The following SNUPN variants were observed in gnomAD, a reference collection of about 807,000 sequenced individuals.
SNUPN encodes snurportin-1.
In SNUPN, 31 loss-of-function variants were observed where a neutral mutation model predicts 39.2. The ratio of observed to expected loss-of-function variants is 0.79; its 90% confidence interval spans 0.59 to 1.07. The LOEUF is 1.07. Ranked by LOEUF, SNUPN falls within the 50% of genes least tolerant of loss-of-function variation. The pLI is 0.00. For synonymous variants in SNUPN, 132 were observed against 159.0 expected (o/e 0.83, Z 1.28); for missense variants, 382 against 434.2 (o/e 0.88, Z 1.07).
chr15:75,612,144 CA>C (rs915362330), intron 3 of SNUPN, among the ~76,000 whole-genome samples: 1 of 151,922 alleles, frequency 6.6e-6, no homozygotes, highest in African/African-American at 2.4e-5. Context: ...GCGATCCTCC[CA>C]TTTTAGCCTC....
chr15:75,609,700 G>T, intron 4 of SNUPN, 49 bp from the exon 5 acceptor site: 1 of 1,352,380 alleles, frequency 7.4e-7, no homozygotes, highest in Non-Finnish European at 1.0e-6. Flanking sequence ...AGGTCTCCTC[G>T]CCCTCTTGCC....
intron 6 of SNUPN, 121 bp downstream of exon 6, chr15:75,607,095 T>C: frequency 1.3e-6 from 1 of 749,164 alleles, no homozygotes; most frequent in East Asian, 2.5e-5. Flanking sequence ...ATAATGTTCT[T>C]GATATACCAC....
intron 3 of SNUPN, among the ~76,000 whole-genome samples, chr15:75,614,234 T>G (rs1284318372): frequency 6.6e-6 from 1 of 152,128 alleles, no homozygotes; most frequent in East Asian, 1.9e-4. Context: ...GAGGTTGCAG[T>G]AAGCCAAGAA....
chr15:75,598,326 C>T lies in SNUPN; in HGVS notation c.*32G>A. On this transcript the variant is annotated 3_prime_UTR_variant, in exon 9 of 9. Coordinates refer to ENST00000308588, the MANE Select transcript of SNUPN (RefSeq NM_005701.4). ...CAGGATTCCTTTTGGGGCCAGGTACCATCCTGTGGCTCCTTAAGGAGGCTT... is the reference window on the plus strand; with the variant it reads ...CAGGATTCCTTTTGGGGCCAGGTACTATCCTGTGGCTCCTTAAGGAGGCTT... 6.4e-7 allele frequency: 1 copy of T among 1,565,364 alleles called. No homozygotes were observed. The highest frequency in any genetic ancestry group is 8.7e-7 in the Non-Finnish European group (1 of 1,146,440).
Position 75,601,194 on chromosome 15 carries a change from A to T in SNUPN, c.703T>A (p.Phe235Ile), listed in dbSNP as rs747386312. The change falls in exon 8 of 9, where the codon TTC (phenylalanine) becomes ATC (isoleucine). Residue 235 changes from phenylalanine to isoleucine, a missense_variant. Transcript: ENST00000308588. ...NPFKFVGLKN[F>I]PCTPESLCDV... is the part of the protein sequence containing the mutation. Reference sequence around the variant, plus strand: ...CACAGGCTTTCGGGAGTGCAAGGGAAGTTCTTTAGCCCCACAAATTTAAAC... The same window carrying T: ...CACAGGCTTTCGGGAGTGCAAGGGATGTTCTTTAGCCCCACAAATTTAAAC... The T allele has an allele frequency of 6.2e-7, 1 of 1,613,462 alleles. No individual in the cohort carries two copies. The highest frequency in any genetic ancestry group is 8.5e-7 in the Non-Finnish European group (1 of 1,179,472).
At chr15:75,608,441 C>A (rs1336127609) in intron 5 of SNUPN, among the ~76,000 whole-genome samples, 2 of 152,132 alleles carry the variant, frequency 1.3e-5, no homozygotes, top group African/African-American at 4.8e-5. Flanking sequence ...ACCAAAGGAG[C>A]CTGAGCAGGT....
chr15:75,622,262 G>T, intron 1 of SNUPN: 2 of 669,800 alleles, frequency 3.0e-6, no homozygotes, highest in Non-Finnish European at 3.7e-6. Context: ...AAATCTGATT[G>T]TTACTTCCTC....
At chr15:75,605,493 G>T (rs1284821171) in intron 6 of SNUPN, 4 of 293,950 alleles carry the variant, frequency 1.4e-5, no homozygotes, top group Admixed American at 1.0e-4. Flanking sequence ...TAGAGACAGG[G>T]TTTCACCATG....
intron 5 of SNUPN, among the ~76,000 whole-genome samples, chr15:75,608,692 AATAGAAGTCC>A (rs1892692190): frequency 6.6e-6 from 1 of 152,218 alleles, no homozygotes; most frequent in Non-Finnish European, 1.5e-5. Flanking sequence ...GTTGTCCCGT[AATAGAAGTCC>A]AAAGATATGT....
chr15:75,599,409 G>A (rs2141357966), intron 8 of SNUPN, among the ~76,000 whole-genome samples: 1 of 152,344 alleles, frequency 6.6e-6, no homozygotes. Flanking sequence ...AGGGGTCTGT[G>A]TTGTGGTGGA....
At chr15:75,612,033 T>A (rs986731522) in intron 3 of SNUPN, among the ~76,000 whole-genome samples, 15 of 53,078 alleles carry the variant, frequency 2.8e-4, no homozygotes, top group Non-Finnish European at 4.6e-4. Context: ...TCTTCCTTTT[T>A]TTCCTTTTTT....
In SNUPN at chr15:75,621,085, C is replaced by A. The variant is rs1397785981; in HGVS notation, c.-5-29G>T. 6.2e-6 allele frequency: 10 copies of A among 1,608,592 alleles called. No individual in the cohort carries two copies. In the South Asian group the frequency reaches 7.7e-5, roughly 12 times the overall value. ...CAAAGGAAAACGTAAGAAAATGGTT[C>A]ATTCATTTCATATCATCTCCTGTAT... is the stretch of plus-strand genomic sequence containing the variant. On this transcript the variant is annotated intron_variant, in intron 1 of 8. Coordinates refer to ENST00000308588, the MANE Select transcript of SNUPN (RefSeq NM_005701.4).
At chr15:75,608,036 G>C (rs75000175) in intron 5 of SNUPN, among the ~76,000 whole-genome samples, 26,124 of 152,094 alleles carry the variant, frequency 0.17, 3,025 homozygotes, top group Non-Finnish European at 0.25. Context: ...GGAAAGACAT[G>C]GGATGGGTGG....
intron 3 of SNUPN, among the ~76,000 whole-genome samples, chr15:75,611,592 C>A (rs1892784091): frequency 6.6e-6 from 1 of 151,806 alleles, no homozygotes; most frequent in African/African-American, 2.4e-5. Context: ...AACGGTGGCT[C>A]ACGCCTATAA....
chr15:75,624,261 T>A (rs1893158396), intron 1 of SNUPN, among the ~76,000 whole-genome samples: 1 of 151,644 alleles, frequency 6.6e-6, no homozygotes, highest in Non-Finnish European at 1.5e-5. Context: ...ATGTTTTCAG[T>A]TCATCACCAA....
At chr15:75,605,301 TG>T in intron 6 of SNUPN, 74 bp from the exon 7 acceptor site, 1 of 880,652 alleles carries the variant, frequency 1.1e-6, no homozygotes. Flanking sequence ...AAACACCCCA[TG>T]CTATTTTTTT....
At chr15:75,599,690 T>C (rs1389166394) in intron 8 of SNUPN, among the ~76,000 whole-genome samples, 2 of 152,230 alleles carry the variant, frequency 1.3e-5, no homozygotes, top group Non-Finnish European at 2.9e-5. Flanking sequence ...ATAAGGGTTA[T>C]AAATAAAGAT....
At chr15:75,620,849 G>A in intron 2 of SNUPN, 45 bp downstream of exon 2, 19 of 1,566,936 alleles carry the variant, frequency 1.2e-5, no homozygotes, top group Non-Finnish European at 1.7e-5. Flanking sequence ...ATGGTTCATA[G>A]CTCCTAGCCC....
chr15:75,607,166 G>A, intron 6 of SNUPN, 50 bp downstream of exon 6: 1 of 1,349,328 alleles, frequency 7.4e-7, no homozygotes, highest in Non-Finnish European at 1.1e-6. Context: ...CGCTTTCCCA[G>A]GAGGAGAGGA....
Sources: gnomAD v4.1 joint callset for allele counts (sites outside exome capture counted in the v4.1 genomes callset) on GRCh38, gnomAD v4.1.1 for gene constraint, MANE v1.5 for transcripts, NCBI Gene and HGNC (gene_info 2026-07-23, HGNC 2026-07-21) for gene names.